GPLD1: variants seen among roughly 807,000 people sequenced by gnomAD.
The protein encoded by GPLD1 is glycosylphosphatidylinositol specific phospholipase D1.
GPLD1 carries 84 observed loss-of-function variants against 112.6 expected under a neutral mutation model. That is an observed-to-expected ratio of 0.75 (90% CI 0.63 to 0.89). The LOEUF (loss-of-function observed/expected upper bound fraction) is 0.89, where lower values mean the gene tolerates loss of function less well. Among genes scored for constraint, GPLD1 ranks in the 40% least tolerant of loss-of-function variants. The pLI, the probability that GPLD1 is intolerant of heterozygous loss-of-function variation, is 0.00. For missense variants in GPLD1, 1,044 were observed against 1,051.5 expected (o/e 0.99, Z 0.10); for synonymous variants, 386 against 403.8 (o/e 0.96, Z 0.53).
At chr6:24,461,567 CTG>C (rs1218514926) in intron 11 of GPLD1, among the ~76,000 whole-genome samples, 1 of 151,760 alleles carries the variant, frequency 6.6e-6, no homozygotes, top group Non-Finnish European at 1.5e-5. Context: ...CCAGGACGCT[CTG>C]TTGCAAATCC....
At chr6:24,463,476 A>C (rs974698003) in intron 10 of GPLD1, among the ~76,000 whole-genome samples, 14 of 152,202 alleles carry the variant, frequency 9.2e-5, no homozygotes, top group Admixed American at 8.5e-4. Flanking sequence ...AATTCCAAAA[A>C]GGAGGTGGGA....
In GPLD1 at chr6:24,466,620, T is replaced by C. The variant is rs1214235811; in HGVS notation, c.821+60A>G. ...TCAGTTGAAAAACCTGAGAGTTATG[T>C]TGGGGGATGGGGTAAAAAGGCAGAG... On this transcript the variant is annotated intron_variant, in intron 10 of 24. Transcript: ENST00000230036. 7.2e-6 allele frequency: 10 copies of C among 1,395,030 alleles called. No homozygotes were observed. The East Asian group carries it at 1.1e-4, about 16-fold the overall frequency. The allele number at this position is 1,395,030 out of a possible 1,614,324, so 86.4% of individuals were successfully genotyped here.
intron 20 of GPLD1, among the ~76,000 whole-genome samples, chr6:24,442,031 C>T (rs1762763060): frequency 1.4e-5 from 2 of 147,726 alleles, no homozygotes; most frequent in Non-Finnish European, 3.0e-5. Context: ...ATATTATATA[C>T]ATTTATATTA....
upstream of GPLD1, chr6:24,495,252 G>C (rs1371742454): frequency 3.9e-6 from 6 of 1,528,822 alleles, no homozygotes; most frequent in African/African-American, 1.4e-5. Context: ...CAGCGGCGCC[G>C]CTCTGGGCAT....
chr6:24,466,567 G>T, intron 10 of GPLD1, 113 bp downstream of exon 10: 1 of 756,768 alleles, frequency 1.3e-6, no homozygotes, highest in Non-Finnish European at 2.2e-6. Flanking sequence ...AGCACTTCAT[G>T]AGATTGTTTT....
At chr6:24,444,593 G>A (rs1762848575) in intron 20 of GPLD1, among the ~76,000 whole-genome samples, 1 of 152,018 alleles carries the variant, frequency 6.6e-6, no homozygotes, top group Non-Finnish European at 1.5e-5. Context: ...GATCATGCCT[G>A]TAATCCCAGC....
rs561010468 is a variant in GPLD1 at position 24,449,464 on chromosome 6, A to G, written c.1446+325T>C. On this transcript the variant is annotated intron_variant, in intron 15 of 24. Coordinates refer to ENST00000230036, the MANE Select transcript of GPLD1 (RefSeq NM_001503.4). ...GGGAAGTCACCTCGCTGTTGTGATA[A>G]CCAGAAACTACAGATGAGCTGGGAT... Among the ~76,000 whole-genome samples the G allele has an allele frequency of 2.0e-5, 3 of 152,240 alleles. No homozygotes were observed. In the East Asian group the frequency reaches 5.8e-4, roughly 29 times the overall value.
At chr6:24,433,482 T>TA in intron 22 of GPLD1, 93 bp from the exon 23 acceptor site, 2 of 608,476 alleles carry the variant, frequency 3.3e-6, no homozygotes. Context: ...CCCTCATTTC[T>TA]ACTTTTTTTT....
intron 22 of GPLD1, chr6:24,433,629 A>G (rs778659443): frequency 4.9e-6 from 2 of 407,670 alleles, no homozygotes; most frequent in Non-Finnish European, 8.8e-6. Context: ...AGTTGATGGA[A>G]TTACAGGCGC....
At chr6:24,466,190 C>CA (rs1028184556) in intron 10 of GPLD1, among the ~76,000 whole-genome samples, 61 of 152,268 alleles carry the variant, frequency 4.0e-4, no homozygotes, top group African/African-American at 1.4e-3. Context: ...ACTAAAAATA[C>CA]AAAAAAATTA....
At chr6:24,466,647 G>A in intron 10 of GPLD1, 33 bp downstream of exon 10, 1 of 1,581,486 alleles carries the variant, frequency 6.3e-7, no homozygotes, top group Non-Finnish European at 8.7e-7. Flanking sequence ...AAGGCAGAGA[G>A]TGATTGGTAA....
In GPLD1 at chr6:24,428,433, T is replaced by C. The variant is rs143899630; in HGVS notation, c.*599A>G. 1 of 152,166 alleles carries C rather than the reference T, an allele frequency of 6.6e-6. No homozygotes were observed. Among genetic ancestry groups the C allele is most frequent in the Non-Finnish European group, 1.5e-5 (1 of 68,036 alleles). 9.4% of individuals were successfully genotyped at this position (152,166 alleles called of 1,614,324 possible). A position where few individuals can be genotyped will look rare whatever the true frequency, so the allele number is the denominator to read the frequency against. ...CCCCAGTGTGTGTTGTTTCCCTCTA[T>C]GTGTCCACGTGTTCTCATTTAGCTC... On this transcript the variant is annotated 3_prime_UTR_variant, in exon 25 of 25. Coordinates refer to ENST00000230036, the MANE Select transcript of GPLD1 (RefSeq NM_001503.4).
intron 2 of GPLD1, among the ~76,000 whole-genome samples, chr6:24,485,275 T>C (rs1277968938): frequency 6.6e-6 from 1 of 152,240 alleles, no homozygotes; most frequent in Non-Finnish European, 1.5e-5. Flanking sequence ...TAGTGGCTCA[T>C]GCCTATAATC....
chr6:24,434,178 A>C (rs1172932277), intron 22 of GPLD1, among the ~76,000 whole-genome samples: 2 of 152,044 alleles, frequency 1.3e-5, no homozygotes, highest in African/African-American at 4.8e-5. Flanking sequence ...CAGGCGGATC[A>C]CTGGAGGTCA....
chr6:24,493,698 T>C (rs955498896), upstream of GPLD1, among the ~76,000 whole-genome samples: 1 of 152,218 alleles, frequency 6.6e-6, no homozygotes, highest in Admixed American at 6.5e-5. Context: ...TCTACTGTTA[T>C]CACTTCTGCC....
intron 20 of GPLD1, among the ~76,000 whole-genome samples, chr6:24,444,510 A>T (rs953858104): frequency 1.7e-4 from 25 of 150,042 alleles, no homozygotes; most frequent in African/African-American, 2.5e-4. Flanking sequence ...TTTTTTTTTT[A>T]AAGACTATCT....
chr6:24,452,206 G>A (rs2127339585), intron 14 of GPLD1, among the ~76,000 whole-genome samples: 1 of 152,344 alleles, frequency 6.6e-6, no homozygotes, highest in East Asian at 1.9e-4. Flanking sequence ...GGAAGCAGGT[G>A]CCTCTCTTTA....
At chr6:24,462,537 C>T (rs1468118013) in intron 11 of GPLD1, among the ~76,000 whole-genome samples, 193 bp downstream of exon 11, 1 of 152,142 alleles carries the variant, frequency 6.6e-6, no homozygotes, top group Admixed American at 6.5e-5. Flanking sequence ...TGTGCTTTTT[C>T]CATTTTGCAA....
At chr6:24,473,837 T>A (rs1407307124) in intron 5 of GPLD1, among the ~76,000 whole-genome samples, 170 bp from the exon 6 acceptor site, 1 of 151,896 alleles carries the variant, frequency 6.6e-6, no homozygotes, top group Non-Finnish European at 1.5e-5. Flanking sequence ...ATAATAATAA[T>A]AAAAAGGCAG....
Sources: gnomAD v4.1 joint callset for allele counts (sites outside exome capture counted in the v4.1 genomes callset) on GRCh38, gnomAD v4.1.1 for gene constraint, MANE v1.5 for transcripts, NCBI Gene and HGNC (gene_info 2026-07-23, HGNC 2026-07-21) for gene names.